Variants in SMYD3 observed in about 807,000 individuals in gnomAD.
SMYD3 encodes histone-lysine N-methyltransferase SMYD3.
A neutral mutation model predicts 57.7 loss-of-function variants in SMYD3; 36 were observed. The ratio of observed to expected loss-of-function variants is 0.62; its 90% CI spans 0.48 to 0.82. The LOEUF is 0.82. Ranked by LOEUF, SMYD3 falls within the 40% of genes least tolerant of loss-of-function variation. SMYD3 has a pLI of 0.00. For synonymous variants in SMYD3, 211 were observed against 195.0 expected, an observed-to-expected ratio of 1.08 and a Z score of -0.68; for missense variants, 515 against 538.8, an observed-to-expected ratio of 0.96 and a Z score of 0.44.
At chr1:246,060,595 C>T (rs1246321362) in intron 5 of SMYD3, among the ~76,000 whole-genome samples, 1 of 151,144 alleles carries the variant, frequency 6.6e-6, no homozygotes, top group Non-Finnish European at 1.5e-5. Flanking sequence ...TTTTATGATC[C>T]CTCAGTCATT....
At chr1:246,481,268 T>A (rs2068095824) in intron 1 of SMYD3, among the ~76,000 whole-genome samples, 1 of 152,072 alleles carries the variant, frequency 6.6e-6, no homozygotes, top group African/African-American at 2.4e-5. Context: ...TGCCCAGATA[T>A]GTGGTTAAAC....
At chr1:246,157,201 C>T (rs1430478323) in intron 5 of SMYD3, among the ~76,000 whole-genome samples, 1 of 152,156 alleles carries the variant, frequency 6.6e-6, no homozygotes, top group East Asian at 1.9e-4. Flanking sequence ...CACTGCTTGG[C>T]CTCTGTTTGT....
At chr1:246,365,323 CAA>C (rs74386969) in intron 1 of SMYD3, among the ~76,000 whole-genome samples, 5 of 129,836 alleles carry the variant, frequency 3.9e-5, no homozygotes, top group Non-Finnish European at 3.3e-5. Context: ...CTCATTTCTA[CAA>C]AAAAAAAAAA....
chr1:246,247,899 G>A (rs1488409632), intron 5 of SMYD3, among the ~76,000 whole-genome samples: 2 of 152,154 alleles, frequency 1.3e-5, no homozygotes, highest in Non-Finnish European at 2.9e-5. Context: ...TTAGCGAGCG[G>A]TTATGAGCAA....
intron 1 of SMYD3, among the ~76,000 whole-genome samples, chr1:246,496,505 A>G (rs551644969): frequency 2.0e-5 from 3 of 152,284 alleles, no homozygotes; most frequent in South Asian, 4.1e-4. Context: ...TGCTTACATT[A>G]TAATTCTCAA....
intron 1 of SMYD3, among the ~76,000 whole-genome samples, chr1:246,425,384 A>G (rs2067203678): frequency 6.6e-6 from 1 of 152,170 alleles, no homozygotes; most frequent in African/African-American, 2.4e-5. Flanking sequence ...CTGTAACTGG[A>G]GTATCTTCTA....
At chr1:246,005,170 G>A (rs2059148201) in intron 5 of SMYD3, among the ~76,000 whole-genome samples, 1 of 152,098 alleles carries the variant, frequency 6.6e-6, no homozygotes, top group South Asian at 2.1e-4. Context: ...TTTTAAGGGG[G>A]AAACATTACA....
chr1:246,277,228 A>G (rs968899304), intron 5 of SMYD3, among the ~76,000 whole-genome samples: 1 of 152,254 alleles, frequency 6.6e-6, no homozygotes, highest in African/African-American at 2.4e-5. Flanking sequence ...TCAGAAAAGA[A>G]GATGTACAAA....
At chr1:246,316,120 G>GA (rs2065151182) in intron 5 of SMYD3, among the ~76,000 whole-genome samples, 1 of 152,024 alleles carries the variant, frequency 6.6e-6, no homozygotes, top group African/African-American at 2.4e-5. Flanking sequence ...CACAATCTAA[G>GA]AAAAATCAAA....
chr1:246,147,517 G>A (rs1445102695), intron 5 of SMYD3, among the ~76,000 whole-genome samples: 1 of 152,198 alleles, frequency 6.6e-6, no homozygotes, highest in Non-Finnish European at 1.5e-5. Flanking sequence ...ACTCCATGGA[G>A]GCGGTGGGAG....
intron 5 of SMYD3, among the ~76,000 whole-genome samples, chr1:246,304,463 A>G (rs1273067760): frequency 2.6e-5 from 4 of 152,210 alleles, no homozygotes; most frequent in African/African-American, 9.6e-5. Flanking sequence ...TTCTCTGAAC[A>G]TTAGTAAATG....
At chr1:245,864,238 T>C (rs2051705188) in intron 8 of SMYD3, among the ~76,000 whole-genome samples, 1 of 152,194 alleles carries the variant, frequency 6.6e-6, no homozygotes, top group South Asian at 2.1e-4. Context: ...AGAGTTACCA[T>C]ATTAACAGTC....
chr1:245,809,511 C>G (rs143203504), intron 10 of SMYD3, among the ~76,000 whole-genome samples: 1 of 152,306 alleles, frequency 6.6e-6, no homozygotes, highest in Non-Finnish European at 1.5e-5. Flanking sequence ...AAGTGCCCCT[C>G]CCTGAGAACC....
intron 5 of SMYD3, among the ~76,000 whole-genome samples, chr1:246,080,785 A>G (rs970661309): frequency 1.3e-5 from 2 of 152,208 alleles, no homozygotes; most frequent in African/African-American, 4.8e-5. Context: ...TCCCCCCTCT[A>G]GAATGCGAAC....
At chr1:245,838,371 G>A (rs1164322036) in intron 10 of SMYD3, among the ~76,000 whole-genome samples, 4 of 152,158 alleles carry the variant, frequency 2.6e-5, no homozygotes, top group African/African-American at 2.4e-5. Context: ...GGCATCAGTT[G>A]GAAGCCACAC....
rs149275102 is a variant in SMYD3, at chr1:246,016,167, G to A, written c.532-86230C>T. Among the ~76,000 whole-genome samples the A allele has an allele frequency of 4.0e-5, 6 of 151,238 alleles. No individual in the cohort carries two copies. The East Asian group carries it at 7.8e-4, about 20-fold the overall frequency. On this transcript the variant is annotated intron_variant, in intron 5 of 11. Coordinates refer to ENST00000490107, the MANE Select transcript of SMYD3 (RefSeq NM_001167740.2). ...CTGTAGTCCCAGCTACTTGGGAGGCGGAGGTGGGAGGATTGCTTGAGCCCA... is the reference window on the plus strand; with the variant it reads ...CTGTAGTCCCAGCTACTTGGGAGGCAGAGGTGGGAGGATTGCTTGAGCCCA...
intron 5 of SMYD3, among the ~76,000 whole-genome samples, chr1:246,071,398 T>G (rs1427678795): frequency 6.6e-6 from 1 of 152,208 alleles, no homozygotes; most frequent in Non-Finnish European, 1.5e-5. Flanking sequence ...TATAAAATGT[T>G]TTAAATTATT....
At chr1:246,200,345 G>T (rs2062898198) in intron 5 of SMYD3, among the ~76,000 whole-genome samples, 1 of 151,858 alleles carries the variant, frequency 6.6e-6, no homozygotes, top group African/African-American at 2.4e-5. Flanking sequence ...CGCTGAGCAA[G>T]AATGTACACA....
At chr1:246,382,707 C>G (rs2066409183) in intron 1 of SMYD3, among the ~76,000 whole-genome samples, 2 of 151,772 alleles carry the variant, frequency 1.3e-5, no homozygotes, top group South Asian at 4.2e-4. Context: ...GACCCAAGAT[C>G]CAGACAGGTC....
Sources: gnomAD v4.1 joint callset for allele counts (sites outside exome capture counted in the v4.1 genomes callset) on GRCh38, gnomAD v4.1.1 for gene constraint, MANE v1.5 for transcripts, NCBI Gene and HGNC (gene_info 2026-07-23, HGNC 2026-07-21) for gene names.